Variants in EPHX4 observed in about 807,000 individuals in gnomAD.
The protein encoded by EPHX4 is epoxide hydrolase 4, also known as abhydrolase domain containing 7.
Under a neutral mutation model 44.9 loss-of-function variants are expected in EPHX4, and 31 were observed. That is an observed-to-expected ratio of 0.69 (90% CI 0.52 to 0.93). The LOEUF (loss-of-function observed/expected upper bound fraction) is 0.93, where lower values mean the gene tolerates loss of function less well. Ranked by LOEUF, EPHX4 falls within the 40% of genes least tolerant of loss-of-function variation. The pLI is 0.00. For synonymous variants in EPHX4, 151 were observed against 159.7 expected (o/e 0.95, Z 0.41); for missense variants, 373 against 438.1 (o/e 0.85, Z 1.33).
chr1:92,030,256 T>G lies in EPHX4; in HGVS notation c.177T>G (p.Pro59=), dbSNP rs376573654. ...TCCGGCGGCCCGCCCGGGAGCACCC[T>G]CCCGCGTGCCTGAGCGACCCCTCCT... The part of the protein sequence containing the change: ...QTFRRPAREH[P]PACLSDPSLG... Residue 59 remains proline, a synonymous_variant, in exon 1 of 7, where the codon CCT becomes CCG. Transcript: ENST00000370383. The G allele has an allele frequency of 8.1e-6, 13 of 1,602,328 alleles. No individual in the cohort carries two copies. Among genetic ancestry groups the G allele is most frequent in the Non-Finnish European group, 1.1e-5 (13 of 1,174,826 alleles).
intron 2 of EPHX4, among the ~76,000 whole-genome samples, chr1:92,039,897 G>T (rs770798924): frequency 2.6e-5 from 4 of 152,064 alleles, no homozygotes; most frequent in African/African-American, 4.8e-5. Context: ...CAAGCCATCC[G>T]CCCACTTTGG....
intron 6 of EPHX4, among the ~76,000 whole-genome samples, chr1:92,060,885 CTT>C (rs574421107): frequency 4.2e-5 from 6 of 144,510 alleles, no homozygotes; most frequent in Admixed American, 7.0e-5. Flanking sequence ...AGTTTGTATT[CTT>C]TTTTTTTTTT....
At chr1:92,037,286 C>CT (rs1313072066) in intron 2 of EPHX4, among the ~76,000 whole-genome samples, 4 of 152,114 alleles carry the variant, frequency 2.6e-5, no homozygotes, top group African/African-American at 9.7e-5. Context: ...AACATATTAT[C>CT]GCATTTATCA....
Position 92,042,943 on chromosome 1 carries a change from T to C in EPHX4, c.438T>C (p.Cys146=), listed in dbSNP as rs767205703. Residue 146 remains cysteine (C), a synonymous_variant, in exon 3 of 7, where the codon TGT becomes TGC. Coordinates refer to ENST00000370383, the MANE Select transcript of EPHX4 (RefSeq NM_173567.5). ...ATCGACAGAATTATAAATTGGATTG[T>C]CTAATTACAGATATAAAGGATATTT... ...PIHRQNYKLD[C]LITDIKDILD... 1.2e-6 allele frequency: 2 copies of C among 1,612,410 alleles called. No homozygotes were observed. The highest frequency in any genetic ancestry group is 2.2e-5 in the South Asian group (2 of 90,860).
At chr1:92,034,299 CAAAAAAAAAAAA>C (rs765695521) in intron 2 of EPHX4, among the ~76,000 whole-genome samples, 1 of 52,748 alleles carries the variant, frequency 1.9e-5, no homozygotes, top group African/African-American at 8.4e-5. Context: ...GATTCCGTCT[CAAAAAAAAAAAA>C]AAAAAAAAAG....
chr1:92,057,844 AC>A (rs1647403722), intron 6 of EPHX4, among the ~76,000 whole-genome samples: 1 of 151,992 alleles, frequency 6.6e-6, no homozygotes, highest in African/African-American at 2.4e-5. Context: ...CAGGTGATCC[AC>A]CCACCTCAGC....
Position 92,032,549 on chromosome 1 carries a change from C to A in EPHX4, c.276C>A (p.Gly92=). Reference sequence around the variant, plus strand: ...ACTATGTTGCTGCTGGAGAAAGAGGCAAACCACTTATGCTGCTGCTTCATG... The same window carrying A: ...ACTATGTTGCTGCTGGAGAAAGAGGAAAACCACTTATGCTGCTGCTTCATG... ...RFHYVAAGER[G]KPLMLLLHGF... Residue 92 remains glycine, a synonymous_variant, in exon 2 of 7, where the codon GGC becomes GGA. Coordinates refer to ENST00000370383, the MANE Select transcript of EPHX4 (RefSeq NM_173567.5). The A allele has an allele frequency of 1.2e-6, 2 of 1,614,102 alleles. No individual in the cohort carries two copies. The highest frequency in any genetic ancestry group is 1.7e-6 in the Non-Finnish European group (2 of 1,179,994).
At chr1:92,057,767 T>G (rs1041887262) in intron 6 of EPHX4, among the ~76,000 whole-genome samples, 4 of 152,000 alleles carry the variant, frequency 2.6e-5, no homozygotes, top group African/African-American at 9.7e-5. Context: ...GTCCGGCTAA[T>G]TTTTGTATTT....
chr1:92,045,174 G>C (rs1290152432), intron 3 of EPHX4, among the ~76,000 whole-genome samples: 1 of 151,906 alleles, frequency 6.6e-6, no homozygotes, highest in Non-Finnish European at 1.5e-5. Flanking sequence ...TGTGTTGGGG[G>C]GAGGTCTTGC....
At chr1:92,046,486 T>A (rs956087150) in intron 4 of EPHX4, among the ~76,000 whole-genome samples, 1 of 152,136 alleles carries the variant, frequency 6.6e-6, no homozygotes, top group South Asian at 2.1e-4. Context: ...TTTTTTGAGA[T>A]GGAGTCTCGC....
chr1:92,060,434 C>A (rs980551925), intron 6 of EPHX4, among the ~76,000 whole-genome samples: 4 of 147,534 alleles, frequency 2.7e-5, no homozygotes, highest in African/African-American at 5.1e-5. Context: ...ACGTCAAGAC[C>A]CTGTCTCAAA....
intron 2 of EPHX4, among the ~76,000 whole-genome samples, chr1:92,042,016 T>G (rs892275366): frequency 3.3e-5 from 5 of 152,030 alleles, no homozygotes; most frequent in Admixed American, 2.0e-4. Flanking sequence ...GCCATTGCAC[T>G]CCAGCCTGGG....
chr1:92,037,337 A>T (rs993132265), intron 2 of EPHX4, among the ~76,000 whole-genome samples: 1 of 152,208 alleles, frequency 6.6e-6, no homozygotes, highest in Non-Finnish European at 1.5e-5. Context: ...GTGATATTTC[A>T]TGTATACAAT....
chr1:92,034,299 CAAAAAA>C (rs765695521), intron 2 of EPHX4, among the ~76,000 whole-genome samples: 1 of 52,748 alleles, frequency 1.9e-5, no homozygotes, highest in South Asian at 6.9e-4. Flanking sequence ...GATTCCGTCT[CAAAAAA>C]AAAAAAAAAA....
At chr1:92,038,836 G>A (rs529594456) in intron 2 of EPHX4, among the ~76,000 whole-genome samples, 1 of 152,298 alleles carries the variant, frequency 6.6e-6, no homozygotes, top group South Asian at 2.1e-4. Context: ...TTTCAACCTA[G>A]TGCTGCAGAG....
chr1:92,045,442 G>A, intron 3 of EPHX4, 90 bp from the exon 4 acceptor site: 1 of 1,463,256 alleles, frequency 6.8e-7, no homozygotes, highest in Non-Finnish European at 9.3e-7. Context: ...ATGAAAAGAG[G>A]TACTTCAGAA....
chr1:92,062,551 C>T (rs1210313082), intron 6 of EPHX4, among the ~76,000 whole-genome samples: 3 of 136,898 alleles, frequency 2.2e-5, no homozygotes, highest in Non-Finnish European at 3.0e-5. Flanking sequence ...TGCCATTGCA[C>T]TCCAGCCTGG....
chr1:92,048,265 T>A (rs1417131126), intron 4 of EPHX4, among the ~76,000 whole-genome samples: 3 of 152,146 alleles, frequency 2.0e-5, no homozygotes, highest in Admixed American at 2.0e-4. Flanking sequence ...GTCCTGAGAG[T>A]CACTGTATTT....
In EPHX4 at chr1:92,042,870, T is replaced by A. The variant is rs1226620833; in HGVS notation, c.365T>A (p.Val122Asp). 1.2e-6 allele frequency: 2 copies of A among 1,613,244 alleles called. No homozygotes were observed. Among genetic ancestry groups the A allele is most frequent in the Non-Finnish European group, 8.5e-7 (1 of 1,179,840 alleles). The change falls in exon 3 of 7, where the codon GTT becomes GAT. Residue 122 changes from valine to aspartate, a missense_variant. Coordinates refer to ENST00000370383, the MANE Select transcript of EPHX4 (RefSeq NM_173567.5). ...AGAGAATTTAAAAGTGAATATCGAG[T>A]TGTAGCACTGGATTTGAGAGGTTAT... ...QLREFKSEYRVVALDLRGYGE... is the reference protein window; with the variant it reads ...QLREFKSEYRDVALDLRGYGE...
Sources: gnomAD v4.1 joint callset for allele counts (sites outside exome capture counted in the v4.1 genomes callset) on GRCh38, gnomAD v4.1.1 for gene constraint, MANE v1.5 for transcripts, NCBI Gene and HGNC (gene_info 2026-07-23, HGNC 2026-07-21) for gene names.